Variants in GRM1 observed in about 807,000 individuals in gnomAD.
GRM1 encodes the protein glutamate metabotropic receptor 1, also known as metabotropic glutamate receptor 1.
Under a neutral mutation model 90.9 loss-of-function variants are expected in GRM1, and 33 were observed. The ratio of observed to expected loss-of-function variants is 0.36; its 90% CI spans 0.28 to 0.49. The LOEUF is 0.49. GRM1 is among the 20% of genes least tolerant of loss of function. GRM1 has a pLI of 0.99. For synonymous variants in GRM1, 700 were observed against 613.2 expected, an observed-to-expected ratio of 1.14 and a Z score of -2.09; for missense variants, 1,190 against 1,534.3, an observed-to-expected ratio of 0.78 and a Z score of 3.75.
chr6:146,132,080 C>T (rs147769429), intron 1 of GRM1, among the ~76,000 whole-genome samples: 5 of 152,158 alleles, frequency 3.3e-5, no homozygotes, highest in Non-Finnish European at 5.9e-5. Context: ...ACTCACAGAG[C>T]GGAAAGAAGT....
At chr6:146,272,476 G>A (rs766826323) in intron 2 of GRM1, among the ~76,000 whole-genome samples, 3 of 152,122 alleles carry the variant, frequency 2.0e-5, no homozygotes, top group Non-Finnish European at 4.4e-5. Flanking sequence ...ATAGTGCCTA[G>A]AATAGTAGAA....
chr6:146,116,852 C>G (rs973681137), intron 1 of GRM1, among the ~76,000 whole-genome samples: 6 of 151,552 alleles, frequency 4.0e-5, no homozygotes, highest in African/African-American at 1.5e-4. Flanking sequence ...TTTTTTGTAC[C>G]ATATAGAATT....
At position 146,358,091 on chromosome 6, in the gene GRM1, A is replaced by G. The variant is rs1436291384; in HGVS notation, c.1602+397A>G. On this transcript the variant is annotated intron_variant, in intron 5 of 7. Transcript: ENST00000282753. ...ACAATGCTAAATAAGCAAACAACCA[A>G]AATACCAGAAGTTGAAATAGGGTAA... Among the ~76,000 whole-genome samples, 6 of 152,340 alleles carry G rather than the reference A, an allele frequency of 3.9e-5. No homozygotes were observed. The South Asian group carries it at 8.3e-4, about 21-fold the overall frequency.
chr6:146,117,927 T>A (rs1775818473), intron 1 of GRM1, among the ~76,000 whole-genome samples: 2 of 152,042 alleles, frequency 1.3e-5, no homozygotes, highest in Non-Finnish European at 1.5e-5. Flanking sequence ...TATAAACAAT[T>A]ATTTATTCAG....
chr6:146,279,401 AAC>A (rs1245669078), intron 2 of GRM1, among the ~76,000 whole-genome samples: 20 of 152,264 alleles, frequency 1.3e-4, no homozygotes, highest in African/African-American at 4.8e-4. Flanking sequence ...CTAAAGTTGA[AAC>A]ACATTAATTT....
intron 7 of GRM1, among the ~76,000 whole-genome samples, chr6:146,412,262 A>G (rs1777597429): frequency 6.6e-6 from 1 of 152,176 alleles, no homozygotes; most frequent in Non-Finnish European, 1.5e-5. Flanking sequence ...TAGCTGACAT[A>G]TCGTTCTTTC....
chr6:146,112,296 C>G (rs1459775813), intron 1 of GRM1, among the ~76,000 whole-genome samples: 2 of 149,194 alleles, frequency 1.3e-5, no homozygotes, highest in Non-Finnish European at 3.0e-5. Context: ...AAAAAAAGAA[C>G]AACACAAGTA....
At chr6:146,258,566 C>CTGTA (rs1039515587) in intron 2 of GRM1, among the ~76,000 whole-genome samples, 3 of 151,924 alleles carry the variant, frequency 2.0e-5, no homozygotes, top group Admixed American at 6.6e-5. Flanking sequence ...GTTGCCCAGG[C>CTGTA]TGTAGTACAG....
chr6:146,390,621 C>G (rs1776680615), intron 6 of GRM1, among the ~76,000 whole-genome samples: 1 of 151,412 alleles, frequency 6.6e-6, no homozygotes, highest in South Asian at 2.1e-4. Context: ...TAAACATTAA[C>G]TAATTTTAAC....
intron 2 of GRM1, among the ~76,000 whole-genome samples, chr6:146,296,501 T>G (rs1014032412): frequency 4.6e-5 from 7 of 152,218 alleles, no homozygotes; most frequent in Non-Finnish European, 1.0e-4. Context: ...CACACTATGA[T>G]ACACTGCTAG....
chr6:146,397,054 G>A lies in GRM1; in HGVS notation c.1730-1715G>A, dbSNP rs1039137990. The stretch of plus-strand genomic sequence containing the variant: ...GGAAGGACAGAATGCGGGCACGAGG[G>A]GGTCCAGTGAGTGACCCTGTTGATC... On this transcript the variant is annotated intron_variant, in intron 6 of 7. Coordinates refer to ENST00000282753, the MANE Select transcript of GRM1 (RefSeq NM_001278064.2). 2.0e-5 allele frequency among the ~76,000 whole-genome samples: 3 copies of A among 152,116 alleles called. No homozygotes were observed. In the East Asian group the frequency reaches 5.8e-4, roughly 29 times the overall value.
intron 5 of GRM1, among the ~76,000 whole-genome samples, chr6:146,381,322 CT>C (rs1392623280): frequency 6.6e-6 from 1 of 152,202 alleles, no homozygotes; most frequent in East Asian, 1.9e-4. Flanking sequence ...CAGCGAGTAT[CT>C]TCTAGATAGG....
At chr6:146,301,255 A>G (rs1583295059) in intron 2 of GRM1, among the ~76,000 whole-genome samples, 1 of 152,168 alleles carries the variant, frequency 6.6e-6, no homozygotes, top group East Asian at 1.9e-4. Flanking sequence ...AGGCACCTAT[A>G]GTGAGGGTGA....
At chr6:146,107,825 A>C (rs1236348444) in intron 1 of GRM1, among the ~76,000 whole-genome samples, 1 of 152,294 alleles carries the variant, frequency 6.6e-6, no homozygotes, top group Non-Finnish European at 1.5e-5. Flanking sequence ...ATATAAGGGA[A>C]TGCTTTTTCC....
intron 2 of GRM1, among the ~76,000 whole-genome samples, chr6:146,170,883 T>C (rs1359381138): frequency 6.6e-6 from 1 of 152,190 alleles, no homozygotes; most frequent in Non-Finnish European, 1.5e-5. Flanking sequence ...TGTTAATATG[T>C]TATAACAATT....
intron 2 of GRM1, among the ~76,000 whole-genome samples, chr6:146,178,094 A>T (rs569389869): frequency 5.3e-5 from 8 of 152,286 alleles, no homozygotes; most frequent in South Asian, 2.1e-4. Context: ...CGCAGATCAT[A>T]GTTTTTACTT....
intron 6 of GRM1, among the ~76,000 whole-genome samples, chr6:146,393,922 G>C (rs754624079): frequency 6.6e-6 from 1 of 152,040 alleles, no homozygotes; most frequent in Non-Finnish European, 1.5e-5. Flanking sequence ...CAGATATATA[G>C]ACCAATGGAA....
Position 146,270,455 on chromosome 6 carries a change from G to T in GRM1, c.951-34156G>T, listed in dbSNP as rs1034533473. ...CATTGGAAAGATATGTTGCTTTCAA[G>T]TGATTTTTTTCTCCCTAGTTAATGT... On this transcript the variant is annotated intron_variant, in intron 2 of 7. Transcript: ENST00000282753. Among the ~76,000 whole-genome samples, 9 of 152,150 alleles carry T rather than the reference G, an allele frequency of 5.9e-5. 1 individual carries two copies. The highest frequency in any genetic ancestry group is 2.2e-4 in the African/African-American group (9 of 41,456).
chr6:146,085,665 A>C (rs1776517928), intron 1 of GRM1, among the ~76,000 whole-genome samples: 2 of 152,152 alleles, frequency 1.3e-5, no homozygotes, highest in Non-Finnish European at 2.9e-5. Context: ...ATATTTCATA[A>C]AAAGAGGAGA....
Sources: allele counts gnomAD v4.1 joint callset (sites outside exome capture counted in the v4.1 genomes callset), GRCh38; gene constraint gnomAD v4.1.1; transcripts MANE v1.5; gene names NCBI Gene and HGNC (gene_info 2026-07-23, HGNC 2026-07-21).